The following SYNJ1 variants were observed in gnomAD, a reference collection of about 807,000 sequenced individuals.
The protein encoded by SYNJ1 is polyphosphatidylinositol phosphatase SYNJ1.
A neutral mutation model predicts 168.2 loss-of-function variants in SYNJ1; 78 were observed. The ratio of observed to expected loss-of-function variants is 0.46; its 90% CI spans 0.39 to 0.56. SYNJ1 has a LOEUF of 0.56. Among genes scored for constraint, SYNJ1 ranks in the 20% least tolerant of loss-of-function variants. The pLI is 0.00. For missense variants in SYNJ1, 1,303 were observed against 1,597.6 expected, an observed-to-expected ratio of 0.82 and a Z score of 3.14; for synonymous variants, 539 against 548.6, an observed-to-expected ratio of 0.98 and a Z score of 0.24.
intron 29 of SYNJ1, among the ~76,000 whole-genome samples, chr21:32,641,013 A>G (rs1363573003): frequency 1.3e-5 from 2 of 152,048 alleles, no homozygotes; most frequent in Admixed American, 1.3e-4. Flanking sequence ...CTTTTTTTGA[A>G]AAAAGGAGGA....
intron 2 of SYNJ1, among the ~76,000 whole-genome samples, chr21:32,706,881 A>T (rs1192265629): frequency 6.6e-6 from 1 of 152,224 alleles, no homozygotes; most frequent in Non-Finnish European, 1.5e-5. Flanking sequence ...GAGATTATTT[A>T]AAATAAGAAA....
At chr21:32,728,125 G>A (rs1395334243), upstream of SYNJ1, 6 of 1,418,854 alleles carry the variant, frequency 4.2e-6, no homozygotes, top group Non-Finnish European at 5.5e-6. Context: ...ACTCTGCGCC[G>A]ACCGGCTGGG....
At chr21:32,699,787 C>T in intron 4 of SYNJ1, 51 bp downstream of exon 4, 3 of 1,571,244 alleles carry the variant, frequency 1.9e-6, no homozygotes, top group Admixed American at 1.8e-5. Flanking sequence ...GACTGAACAA[C>T]TGCTGAACAT....
intron 23 of SYNJ1, among the ~76,000 whole-genome samples, 154 bp from the exon 24 acceptor site, chr21:32,646,756 A>T (rs1019472320): frequency 2.6e-5 from 4 of 152,240 alleles, no homozygotes; most frequent in Non-Finnish European, 5.9e-5. Flanking sequence ...GCATGTATAA[A>T]ACCACAATTA....
At chr21:32,664,538 G>C (rs2040845208) in intron 18 of SYNJ1, among the ~76,000 whole-genome samples, 1 of 151,948 alleles carries the variant, frequency 6.6e-6, no homozygotes, top group African/African-American at 2.4e-5. Flanking sequence ...GATTACCAGT[G>C]CATGCAGCCC....
intron 10 of SYNJ1, among the ~76,000 whole-genome samples, chr21:32,682,084 T>C (rs2041647624): frequency 6.6e-6 from 1 of 151,798 alleles, no homozygotes; most frequent in Non-Finnish European, 1.5e-5. Context: ...AAAAAAGGAG[T>C]TGCTCTTAAA....
intron 18 of SYNJ1, among the ~76,000 whole-genome samples, chr21:32,663,336 T>C (rs895650869): frequency 1.3e-5 from 2 of 152,214 alleles, no homozygotes; most frequent in Non-Finnish European, 2.9e-5. Flanking sequence ...AACTGTATAA[T>C]GGTACCACAA....
rs764720743 is a variant in SYNJ1, at chr21:32,634,876, T to C, written c.3924A>G (p.Gln1308=). ...TGTCAGATACCTGTTACCCTGATGG[T>C]TGCTCCTGCTTTGAGAAAGGAAACA... is the stretch of plus-strand genomic sequence containing the variant. ...SEASSQPQQE[Q]PSG is the part of the protein sequence containing the mutation. Residue 1308 remains glutamine (Q), a synonymous_variant, in exon 32 of 33, where the codon CAA becomes CAG. Coordinates refer to ENST00000674351, the MANE Select transcript of SYNJ1 (RefSeq NM_203446.3). The C allele has an allele frequency of 4.3e-6, 7 of 1,613,710 alleles. No homozygotes were observed. Among genetic ancestry groups the C allele is most frequent in the Non-Finnish European group, 5.9e-6 (7 of 1,179,936 alleles).
In SYNJ1 at chr21:32,666,421, C is replaced by CT. The variant is rs1569065324; in HGVS notation, c.1952+11dup. 1 of 1,610,776 alleles carries CT rather than the reference C, an allele frequency of 6.2e-7. No homozygotes were observed. Among genetic ancestry groups the CT allele is most frequent in the Non-Finnish European group, 8.5e-7 (1 of 1,179,072 alleles). On this transcript the variant is annotated intron_variant, in intron 16 of 32. Transcript: ENST00000674351. ...TAGGAAGTAGCCTTAGAGGAGTGTTCTGTTTACTGACCTGATAAAAGGAGC... is the reference window on the plus strand; with the variant it reads ...TAGGAAGTAGCCTTAGAGGAGTGTTCTTGTTTACTGACCTGATAAAAGGAGC...
chr21:32,726,662 G>A (rs2043467159), intron 2 of SYNJ1, 110 bp downstream of exon 2: 1 of 1,373,000 alleles, frequency 7.3e-7, no homozygotes, highest in East Asian at 2.4e-5. Flanking sequence ...ATCTGCTAGA[G>A]GAAATACAGT....
At chr21:32,666,408 T>C in intron 16 of SYNJ1, 25 bp downstream of exon 16, 1 of 1,605,140 alleles carries the variant, frequency 6.2e-7, no homozygotes, top group Non-Finnish European at 8.5e-7. Context: ...GGAAGTAGCC[T>C]TAGAGGAGTG....
At chr21:32,684,493 TA>T (rs2041748100) in intron 9 of SYNJ1, among the ~76,000 whole-genome samples, 1 of 152,220 alleles carries the variant, frequency 6.6e-6, no homozygotes, top group Admixed American at 6.5e-5. Flanking sequence ...TGACTGTGTC[TA>T]CAGCATTGAT....
intron 2 of SYNJ1, among the ~76,000 whole-genome samples, chr21:32,704,496 A>G (rs1373866709): frequency 1.3e-5 from 2 of 152,210 alleles, no homozygotes; most frequent in Non-Finnish European, 1.5e-5. Context: ...CACTAGGAGA[A>G]GGATGGCCTG....
chr21:32,670,001 TTTA>T (rs1378786025), intron 15 of SYNJ1, among the ~76,000 whole-genome samples: 2 of 152,192 alleles, frequency 1.3e-5, no homozygotes, highest in African/African-American at 4.8e-5. Flanking sequence ...ATGTAATAGG[TTTA>T]TTATTGTTTT....
chr21:32,725,676 C>G (rs2043420192), intron 2 of SYNJ1, among the ~76,000 whole-genome samples: 1 of 151,974 alleles, frequency 6.6e-6, no homozygotes. Flanking sequence ...TTTATTGAGG[C>G]TGGAGAAAGC....
chr21:32,657,934 G>T (rs780935048), intron 18 of SYNJ1, 62 bp from the exon 19 acceptor site: 8 of 1,363,846 alleles, frequency 5.9e-6, no homozygotes, highest in Non-Finnish European at 7.2e-6. Flanking sequence ...TTTTCATTCA[G>T]ACAGTCATCC....
chr21:32,687,303 T>G (rs768178751), intron 7 of SYNJ1, among the ~76,000 whole-genome samples: 5 of 152,232 alleles, frequency 3.3e-5, no homozygotes, highest in Non-Finnish European at 4.4e-5. Flanking sequence ...CTGTTGGAGC[T>G]GTGGAGGCAT....
At chr21:32,639,460 C>T (rs765417045) in intron 30 of SYNJ1, among the ~76,000 whole-genome samples, 9 of 152,146 alleles carry the variant, frequency 5.9e-5, no homozygotes, top group African/African-American at 7.2e-5. Flanking sequence ...GGTGTGATCA[C>T]GGCTTACCAC....
intron 2 of SYNJ1, among the ~76,000 whole-genome samples, chr21:32,713,291 AT>A (rs1164805840): frequency 6.8e-6 from 1 of 146,328 alleles, no homozygotes; most frequent in East Asian, 2.0e-4. Context: ...AACATGGATG[AT>A]TTCCCATATA....
Sources: gnomAD v4.1 joint callset for allele counts (sites outside exome capture counted in the v4.1 genomes callset) on GRCh38, gnomAD v4.1.1 for gene constraint, MANE v1.5 for transcripts, NCBI Gene and HGNC (gene_info 2026-07-23, HGNC 2026-07-21) for gene names.